Variants in ANO3 observed in about 807,000 individuals in gnomAD.
ANO3 encodes the protein anoctamin 3, also known as anoctamin-3.
In ANO3, 99 loss-of-function variants were observed where a neutral mutation model predicts 144.8. The observed-to-expected ratio is 0.68, with a 90% CI of 0.58 to 0.81. The LOEUF (loss-of-function observed/expected upper bound fraction) is 0.81, where lower values mean the gene tolerates loss of function less well. Among genes scored for constraint, ANO3 ranks in the 30% least tolerant of loss-of-function variants. ANO3 has a pLI of 0.00. For missense variants in ANO3, 905 were observed against 1,202.2 expected, an observed-to-expected ratio of 0.75 and a Z score of 3.66; for synonymous variants, 414 against 392.6, an observed-to-expected ratio of 1.05 and a Z score of -0.64.
chr11:26,223,879 G>A (rs1852202305), intron 1 of ANO3, among the ~76,000 whole-genome samples: 1 of 152,098 alleles, frequency 6.6e-6, no homozygotes, highest in African/African-American at 2.4e-5. Flanking sequence ...ACTCATTATT[G>A]CAAGGATAGC....
At chr11:26,602,764 A>G in intron 17 of ANO3, among the ~76,000 whole-genome samples, 1 of 150,824 alleles carries the variant, frequency 6.6e-6, no homozygotes, top group African/African-American at 2.4e-5. Context: ...AAAAAAAGAC[A>G]TTACTGTGTA....
intron 3 of ANO3, chr11:26,460,027 A>C (rs1206513195): frequency 4.6e-6 from 2 of 437,326 alleles, no homozygotes; most frequent in South Asian, 3.3e-5. Flanking sequence ...TGATCCAAAC[A>C]CTTCCCACCA....
At chr11:26,265,866 A>C (rs1853296469) in intron 1 of ANO3, among the ~76,000 whole-genome samples, 1 of 152,178 alleles carries the variant, frequency 6.6e-6, no homozygotes, top group South Asian at 2.1e-4. Flanking sequence ...AAATCCTAGA[A>C]GTGACATGGT....
In ANO3 at chr11:26,647,875, C is replaced by G; in HGVS notation, c.2576+19C>G. On this transcript the variant is annotated intron_variant, in intron 24 of 26. Transcript: ENST00000256737. Reference sequence around the variant, plus strand: ...GTGAAAAGTAAGGTTTAAATTTAAACATTTTCCTGATATGTTTTACATTTG... The same window carrying G: ...GTGAAAAGTAAGGTTTAAATTTAAAGATTTTCCTGATATGTTTTACATTTG... The G allele has an allele frequency of 6.3e-7, 1 of 1,596,112 alleles. No individual in the cohort carries two copies. The highest frequency in any genetic ancestry group is 1.3e-5 in the African/African-American group (1 of 74,600).
chr11:26,440,132 C>T (rs1167651714), intron 1 of ANO3, among the ~76,000 whole-genome samples: 2 of 152,070 alleles, frequency 1.3e-5, no homozygotes, highest in African/African-American at 2.4e-5. Flanking sequence ...GCATACATAG[C>T]CAACATCTCA....
chr11:26,228,348 C>T (rs1215480595), intron 1 of ANO3, among the ~76,000 whole-genome samples: 1 of 152,192 alleles, frequency 6.6e-6, no homozygotes, highest in Non-Finnish European at 1.5e-5. Context: ...TGGACTGGCA[C>T]ATGGTGCCAG....
At chr11:26,253,711 C>G (rs942629058) in intron 1 of ANO3, among the ~76,000 whole-genome samples, 5 of 152,050 alleles carry the variant, frequency 3.3e-5, no homozygotes, top group Non-Finnish European at 7.4e-5. Context: ...AGAGTCTTAT[C>G]CATGGCCAAC....
At chr11:26,600,815 T>C (rs1851781864) in intron 17 of ANO3, among the ~76,000 whole-genome samples, 1 of 151,992 alleles carries the variant, frequency 6.6e-6, no homozygotes, top group Non-Finnish European at 1.5e-5. Context: ...ACCATGTTCC[T>C]CATGTTTCAA....
At chr11:26,386,687 A>G (rs1163624013) in intron 1 of ANO3, among the ~76,000 whole-genome samples, 1 of 152,194 alleles carries the variant, frequency 6.6e-6, no homozygotes, top group African/African-American at 2.4e-5. Context: ...GTTAAGCTTT[A>G]TCCTATAGAA....
chr11:26,331,405 T>C (rs1402598477), upstream of ANO3: 1 of 152,226 alleles, frequency 6.6e-6, no homozygotes, highest in Non-Finnish European at 1.5e-5. Flanking sequence ...TTCACTTCTT[T>C]GGGTATCGGG....
chr11:26,617,715 T>C (rs1240177102), intron 17 of ANO3, among the ~76,000 whole-genome samples: 3 of 152,188 alleles, frequency 2.0e-5, no homozygotes, highest in Middle Eastern at 3.2e-3. Context: ...GATTATAAAA[T>C]GAATTGAGTG....
intron 1 of ANO3, among the ~76,000 whole-genome samples, chr11:26,441,106 GTTTTTTTTTTTTTTTTTT>G (rs1022676698): frequency 1.2e-5 from 1 of 86,552 alleles, no homozygotes; most frequent in Non-Finnish European, 2.2e-5. Context: ...TTGCTGCCCA[GTTTTTTTTTTTTTTTTTT>G]TTTTTTTTTT....
chr11:26,512,935 T>C (rs1861723766), intron 5 of ANO3, among the ~76,000 whole-genome samples: 2 of 152,170 alleles, frequency 1.3e-5, no homozygotes, highest in Non-Finnish European at 2.9e-5. Context: ...AACTTATTCA[T>C]CCATTTTATA....
At chr11:26,555,050 G>A (rs138670812) in intron 13 of ANO3, among the ~76,000 whole-genome samples, 4 of 152,134 alleles carry the variant, frequency 2.6e-5, no homozygotes, top group Admixed American at 2.6e-4. Context: ...CTTACTACAA[G>A]AACATAACTT....
intron 1 of ANO3, among the ~76,000 whole-genome samples, chr11:26,378,444 A>G (rs1289168388): frequency 1.6e-5 from 2 of 126,786 alleles, no homozygotes; most frequent in Middle Eastern, 4.4e-3. Context: ...TCATCTATCT[A>G]TCTATCTATA....
chr11:26,513,285 T>C (rs77245725), intron 5 of ANO3, among the ~76,000 whole-genome samples: 164 of 152,260 alleles, frequency 1.1e-3, no homozygotes, highest in African/African-American at 3.9e-3. Flanking sequence ...CCGACTTACA[T>C]TTAAATAGGT....
chr11:26,385,612 A>G (rs976540152), intron 1 of ANO3, among the ~76,000 whole-genome samples: 2 of 152,072 alleles, frequency 1.3e-5, no homozygotes, highest in African/African-American at 4.8e-5. Flanking sequence ...ACCACATCTT[A>G]GGTGACAATG....
intron 1 of ANO3, among the ~76,000 whole-genome samples, chr11:26,350,592 G>A (rs1382776584): frequency 6.6e-6 from 1 of 151,962 alleles, no homozygotes; most frequent in Non-Finnish European, 1.5e-5. Flanking sequence ...GTGTTTAAGT[G>A]AATCAGTGTT....
At chr11:26,514,357 C>G (rs993440859) in intron 5 of ANO3, among the ~76,000 whole-genome samples, 1 of 151,974 alleles carries the variant, frequency 6.6e-6, no homozygotes, top group African/African-American at 2.4e-5. Flanking sequence ...ATGCTGTCAA[C>G]TGAGAAAAAA....
Sources: gnomAD v4.1 joint callset for allele counts (sites outside exome capture counted in the v4.1 genomes callset) on GRCh38, gnomAD v4.1.1 for gene constraint, MANE v1.5 for transcripts, NCBI Gene and HGNC (gene_info 2026-07-23, HGNC 2026-07-21) for gene names.